Variants in CSMD1 observed in about 807,000 individuals in gnomAD.
CSMD1 encodes the protein CUB and Sushi multiple domains 1, also known as CUB and sushi domain-containing protein 1.
CSMD1 carries 213 observed loss-of-function variants against 417.5 expected under a neutral mutation model. The ratio of observed to expected loss-of-function variants is 0.51; its 90% CI spans 0.46 to 0.57. CSMD1 has a LOEUF of 0.57. CSMD1 is among the 20% of genes least tolerant of loss of function. The pLI is 0.00. For synonymous variants in CSMD1, 2,862 were observed against 1,736.8 expected, an observed-to-expected ratio of 1.65 and a Z score of -16.11; for missense variants, 6,923 against 4,529.7, an observed-to-expected ratio of 1.53 and a Z score of -15.17.
chr8:4,281,745 T>C (rs1040095909), intron 3 of CSMD1, among the ~76,000 whole-genome samples: 1 of 152,222 alleles, frequency 6.6e-6, no homozygotes, highest in African/African-American at 2.4e-5. Flanking sequence ...GTAATGTCTC[T>C]ACTTGTTTTC....
chr8:3,833,314 T>C (rs1802476918), intron 5 of CSMD1, among the ~76,000 whole-genome samples: 1 of 152,154 alleles, frequency 6.6e-6, no homozygotes, highest in South Asian at 2.1e-4. Context: ...CAGATTTCTA[T>C]TCGGAAAACA....
chr8:3,237,789 TACA>T lies in CSMD1; in HGVS notation c.4154-7561_4154-7559del, dbSNP rs1189600106. Among the ~76,000 whole-genome samples, 25 of 110,200 alleles carry T rather than the reference TACA, an allele frequency of 2.3e-4. 4 individuals are homozygous for T. The highest frequency in any genetic ancestry group is 5.5e-3 in the Middle Eastern group (1 of 182). The allele number at this position is 110,200 out of a possible 152,430, so 72.3% of individuals were successfully genotyped here. A position where few individuals can be genotyped will look rare whatever the true frequency, so the allele number is the denominator to read the frequency against. ...ATAATTTTTATAATTATACTTATAC[TACA>T]AGTATAATTTTTATAATTATACTTA... On this transcript the variant is annotated intron_variant, in intron 26 of 69. Coordinates refer to ENST00000635120, the MANE Select transcript of CSMD1 (RefSeq NM_033225.6).
chr8:4,342,057 C>T (rs1045851615), intron 3 of CSMD1, among the ~76,000 whole-genome samples: 1 of 152,064 alleles, frequency 6.6e-6, no homozygotes, highest in Non-Finnish European at 1.5e-5. Flanking sequence ...TTGGAGCATC[C>T]TGAAGATCCT....
At chr8:3,805,748 T>C (rs1268797797) in intron 5 of CSMD1, among the ~76,000 whole-genome samples, 1 of 152,192 alleles carries the variant, frequency 6.6e-6, no homozygotes, top group African/African-American at 2.4e-5. Context: ...TTGTTTGTGA[T>C]ACTCTTTGAG....
At chr8:4,822,036 A>G (rs1009854658) in intron 1 of CSMD1, among the ~76,000 whole-genome samples, 6 of 152,158 alleles carry the variant, frequency 3.9e-5, no homozygotes, top group Non-Finnish European at 8.8e-5. Context: ...GGGAATTATT[A>G]CATTCCCTCT....
Position 4,422,498 on chromosome 8 carries a change from G to A in CSMD1, c.303-2433C>T, listed in dbSNP as rs914661256. The stretch of plus-strand genomic sequence containing the variant: ...AAAGAGAAGGATTCCTTTCTCCCTG[G>A]ACACATACTGAGAAAAGACCATGTG... On this transcript the variant is annotated intron_variant, in intron 2 of 69. Transcript: ENST00000635120. Among the ~76,000 whole-genome samples the A allele has an allele frequency of 3.3e-5, 5 of 152,030 alleles. No homozygotes were observed. The East Asian group carries it at 9.7e-4, about 29-fold the overall frequency.
At chr8:3,283,635 G>C (rs1466279187) in intron 26 of CSMD1, among the ~76,000 whole-genome samples, 1 of 152,122 alleles carries the variant, frequency 6.6e-6, no homozygotes, top group Non-Finnish European at 1.5e-5. Flanking sequence ...GCAGGGCATA[G>C]AATAATTCTC....
intron 3 of CSMD1, among the ~76,000 whole-genome samples, chr8:4,187,366 G>A (rs749601000): frequency 2.6e-5 from 4 of 152,130 alleles, no homozygotes; most frequent in African/African-American, 7.2e-5. Context: ...TAGCATTTGG[G>A]CCAGGCACGG....
chr8:4,597,397 G>T (rs1269620115), intron 2 of CSMD1, among the ~76,000 whole-genome samples: 1 of 152,076 alleles, frequency 6.6e-6, no homozygotes, highest in Non-Finnish European at 1.5e-5. Context: ...CCTGACCAAG[G>T]TTAAATATCC....
chr8:3,456,179 G>C (rs895748004), intron 12 of CSMD1, among the ~76,000 whole-genome samples: 6 of 152,300 alleles, frequency 3.9e-5, no homozygotes, highest in Middle Eastern at 3.4e-3. Flanking sequence ...ATTAGGGTGG[G>C]AGTGACCCAA....
intron 6 of CSMD1, among the ~76,000 whole-genome samples, chr8:3,709,391 G>C (rs1166008632): frequency 1.3e-5 from 2 of 152,084 alleles, no homozygotes; most frequent in East Asian, 1.9e-4. Flanking sequence ...ACTTGCCTCT[G>C]AGCCTGTGAC....
rs189253035 is a variant in CSMD1, at chr8:3,613,515, A to G, written c.1097+3195T>C. On this transcript the variant is annotated intron_variant, in intron 8 of 69. Transcript: ENST00000635120. Reference sequence around the variant, plus strand: ...TGTAAAAAAACTAAACAACATTTTAACAAGTCAAATTCAACAATCCATAAA... The same window carrying G: ...TGTAAAAAAACTAAACAACATTTTAGCAAGTCAAATTCAACAATCCATAAA... Among the ~76,000 whole-genome samples, 588 of 152,236 alleles carry G rather than the reference A, an allele frequency of 3.9e-3. 3 individuals carry two copies. Among genetic ancestry groups the G allele is most frequent in the Non-Finnish European group, 5.3e-3 (358 of 67,980 alleles).
intron 40 of CSMD1, chr8:3,151,180 T>C (rs1042823415): frequency 1.1e-5 from 5 of 469,716 alleles, no homozygotes; most frequent in African/African-American, 9.7e-5. Context: ...TCGGCCAATT[T>C]AATTTGCCTT....
chr8:4,103,526 A>G (rs1801412152), intron 3 of CSMD1, among the ~76,000 whole-genome samples: 3 of 151,610 alleles, frequency 2.0e-5, no homozygotes, highest in Admixed American at 1.3e-4. Context: ...ATGTAAATAT[A>G]TATACACACA....
intron 3 of CSMD1, among the ~76,000 whole-genome samples, chr8:4,194,144 CA>C (rs1399754738): frequency 6.6e-6 from 1 of 151,984 alleles, no homozygotes; most frequent in Non-Finnish European, 1.5e-5. Flanking sequence ...TAAAAATGAC[CA>C]AGAAAACAAT....
intron 1 of CSMD1, among the ~76,000 whole-genome samples, chr8:4,673,300 T>C (rs538874152): frequency 6.6e-6 from 1 of 152,298 alleles, no homozygotes; most frequent in East Asian, 1.9e-4. Flanking sequence ...TTAAAACGCA[T>C]AAAATGCAAG....
At chr8:3,673,591 C>A (rs1480968018) in intron 7 of CSMD1, among the ~76,000 whole-genome samples, 1 of 152,188 alleles carries the variant, frequency 6.6e-6, no homozygotes, top group African/African-American at 2.4e-5. Context: ...TGATTCAGAG[C>A]TAATTTTAAC....
intron 3 of CSMD1, among the ~76,000 whole-genome samples, chr8:4,070,805 T>G (rs1414827706): frequency 6.6e-6 from 1 of 152,170 alleles, no homozygotes; most frequent in Non-Finnish European, 1.5e-5. Flanking sequence ...TTCCTCTGAT[T>G]TTCTGACTCA....
chr8:4,789,323 G>T (rs1164134967), intron 1 of CSMD1, among the ~76,000 whole-genome samples: 1 of 152,152 alleles, frequency 6.6e-6, no homozygotes, highest in Admixed American at 6.6e-5. Context: ...TGGTTTAAAA[G>T]CAGTCAACTA....
Sources: gnomAD v4.1 joint callset for allele counts (sites outside exome capture counted in the v4.1 genomes callset) on GRCh38, gnomAD v4.1.1 for gene constraint, MANE v1.5 for transcripts, NCBI Gene and HGNC (gene_info 2026-07-23, HGNC 2026-07-21) for gene names.